Variants in RPS6KC1 observed in about 807,000 individuals in gnomAD.
RPS6KC1 encodes the protein inactive ribosomal protein S6 kinase delta-1.
Under a neutral mutation model 103.8 loss-of-function variants are expected in RPS6KC1, and 54 were observed. That is an observed-to-expected ratio of 0.52 (90% CI 0.42 to 0.65). RPS6KC1 has a LOEUF of 0.65. Among genes scored for constraint, RPS6KC1 ranks in the 30% least tolerant of loss-of-function variants. The probability of loss-of-function intolerance (pLI) is 0.00; values close to 1 mark genes in which losing one functional copy is unlikely to be tolerated. For missense variants in RPS6KC1, 1,151 were observed against 1,253.8 expected, an observed-to-expected ratio of 0.92 and a Z score of 1.24; for synonymous variants, 439 against 438.7, an observed-to-expected ratio of 1.00 and a Z score of -0.01.
the RPS6KC1 span, among the ~76,000 whole-genome samples, chr1:213,303,977 A>G: frequency 0.98 from 148,383 of 151,484 alleles, 72,756 homozygotes; most frequent in East Asian, 1. Flanking sequence ...AGGCCGAGGC[A>G]GGCGGATCAC....
intron 5 of RPS6KC1, among the ~76,000 whole-genome samples, chr1:213,123,641 CTTCT>C (rs1202633070): frequency 4.6e-5 from 7 of 152,100 alleles, no homozygotes; most frequent in Non-Finnish European, 1.0e-4. Flanking sequence ...TTTATAAGGG[CTTCT>C]TTCTTAATGG....
At chr1:213,234,879 G>C (rs940515789) in intron 10 of RPS6KC1, among the ~76,000 whole-genome samples, 1 of 152,150 alleles carries the variant, frequency 6.6e-6, no homozygotes, top group Non-Finnish European at 1.5e-5. Flanking sequence ...GCCTTCTGGG[G>C]CACCAGTCGA....
chr1:213,123,662 GT>G (rs1036796874), intron 5 of RPS6KC1, among the ~76,000 whole-genome samples: 3 of 152,116 alleles, frequency 2.0e-5, no homozygotes, highest in African/African-American at 7.2e-5. Context: ...ATGGAAACTG[GT>G]ATGTATGTCT....
intron 2 of RPS6KC1, among the ~76,000 whole-genome samples, chr1:213,075,664 C>T (rs2079271408): frequency 6.6e-6 from 1 of 152,218 alleles, no homozygotes; most frequent in African/African-American, 2.4e-5. Context: ...CACCACCATT[C>T]TGTAGCAAAA....
the RPS6KC1 span, among the ~76,000 whole-genome samples, chr1:213,474,102 T>A: frequency 6.6e-6 from 1 of 152,204 alleles, no homozygotes; most frequent in East Asian, 1.9e-4. Context: ...CCCTTTGTTA[T>A]CTCTCATTTG....
chr1:213,661,380 C>T, the RPS6KC1 span, among the ~76,000 whole-genome samples: 17 of 152,106 alleles, frequency 1.1e-4, no homozygotes, highest in East Asian at 1.9e-4. Context: ...TGGGGTGGAA[C>T]GGGCTGGGCG....
chr1:213,071,097 C>G lies in RPS6KC1; in HGVS notation c.141+56C>G, dbSNP rs1204907312. 2.8e-6 allele frequency: 3 copies of G among 1,074,398 alleles called. No homozygotes were observed. In the African/African-American group the frequency reaches 4.9e-5, roughly 18 times the overall value. 66.6% of individuals were successfully genotyped at this position (1,074,398 alleles called of 1,614,324 possible). ...TATTTGATAAAAATTTAACTAAATG[C>G]TTTTTTGAGGAAATTGCCTGAATCA... On this transcript the variant is annotated intron_variant, in intron 2 of 14. Transcript: ENST00000366960.
rs766615286 is a variant in RPS6KC1, at chr1:213,241,722, T to C, written c.2246T>C (p.Ile749Thr). The change falls in exon 11 of 15, where the codon ATA becomes ACA. Residue 749 changes from isoleucine (I) to threonine (T), a missense_variant. Ile to Thr is a moderately conservative substitution (Grantham distance 89, BLOSUM62 -1). Coordinates refer to ENST00000366960, the MANE Select transcript of RPS6KC1 (RefSeq NM_012424.6). ...TGCCAAGCACATGAGGAGAAAGGCA[T>C]AGAGGAACTGAGTGATCCCTCTGGG... is the stretch of plus-strand genomic sequence containing the variant. ...EQCQAHEEKG[I>T]EELSDPSGPK... 2 of 1,613,914 alleles carry C rather than the reference T, an allele frequency of 1.2e-6. No individual in the cohort carries two copies. Among genetic ancestry groups the C allele is most frequent in the Non-Finnish European group, 1.7e-6 (2 of 1,179,920 alleles).
intron 8 of RPS6KC1, chr1:213,205,327 A>G (rs996034267): frequency 2.0e-6 from 2 of 984,986 alleles, no homozygotes; most frequent in Non-Finnish European, 2.4e-6. Flanking sequence ...CTAGATAAAG[A>G]TAAGTCATGC....
rs1372841583 is a variant in RPS6KC1, at chr1:213,241,298, A to G, written c.1822A>G (p.Ser608Gly). Residue 608 changes from serine to glycine, a missense_variant, in exon 11 of 15, where the codon AGC becomes GGC. Ser to Gly is a moderately conservative substitution (Grantham distance 56, BLOSUM62 0). Around this residue, in one of 3 missense-constraint regions of RPS6KC1, gnomAD observed 959 missense variants for 1,006.3 expected, o/e 0.95. Coordinates refer to ENST00000366960, the MANE Select transcript of RPS6KC1 (RefSeq NM_012424.6). Reference sequence around the variant, plus strand: ...ATTCTTTAGGATAGACAGTAAGGATAGCGCAAGTGAACTCCTGGGACTTGA... The same window carrying G: ...ATTCTTTAGGATAGACAGTAAGGATGGCGCAAGTGAACTCCTGGGACTTGA... ...MEFFRIDSKD[S>G]ASELLGLDFG... The G allele has an allele frequency of 6.2e-7, 1 of 1,614,006 alleles. No individual in the cohort carries two copies. Among genetic ancestry groups the G allele is most frequent in the Admixed American group, 1.7e-5 (1 of 59,950 alleles).
chr1:213,634,764 T>C, the RPS6KC1 span, among the ~76,000 whole-genome samples: 2 of 147,934 alleles, frequency 1.4e-5, no homozygotes, highest in African/African-American at 5.0e-5. Context: ...ACACTAAAAA[T>C]ATGAGAGGGG....
chr1:213,246,081 C>T (rs765407640), intron 12 of RPS6KC1, among the ~76,000 whole-genome samples: 15 of 152,070 alleles, frequency 9.9e-5, no homozygotes, highest in Non-Finnish European at 2.1e-4. Context: ...AAAAAGCCAG[C>T]GCATAAATGG....
At chr1:213,412,710 G>A in the RPS6KC1 span, among the ~76,000 whole-genome samples, 14 of 152,174 alleles carry the variant, frequency 9.2e-5, no homozygotes, top group Non-Finnish European at 1.6e-4. Flanking sequence ...AGTGGCCAGG[G>A]GCCACTGGCC....
At chr1:213,117,247 T>A (rs971044501) in intron 4 of RPS6KC1, 70 bp from the exon 5 acceptor site, 3 of 860,908 alleles carry the variant, frequency 3.5e-6, no homozygotes, top group Non-Finnish European at 3.8e-6. Context: ...TTAATTGGGA[T>A]AACTATTTTT....
intron 2 of RPS6KC1, among the ~76,000 whole-genome samples, chr1:213,075,411 C>A (rs544449336): frequency 5.9e-5 from 9 of 152,084 alleles, no homozygotes; most frequent in Admixed American, 2.0e-4. Flanking sequence ...TTGTTAGAAT[C>A]CTCACATCTC....
the RPS6KC1 span, among the ~76,000 whole-genome samples, chr1:213,613,578 C>A: frequency 6.6e-6 from 1 of 152,264 alleles, no homozygotes; most frequent in African/African-American, 2.4e-5. Context: ...AGTGTCCAGT[C>A]TTGCAGTAAA....
intron 1 of RPS6KC1, among the ~76,000 whole-genome samples, chr1:213,053,859 C>T (rs1306729348): frequency 6.7e-6 from 1 of 149,032 alleles, no homozygotes; most frequent in African/African-American, 2.5e-5. Flanking sequence ...TTTTCCAAGG[C>T]GTAGTCTCGC....
intron 7 of RPS6KC1, among the ~76,000 whole-genome samples, chr1:213,172,741 G>C (rs1369865477): frequency 6.6e-6 from 1 of 152,202 alleles, no homozygotes; most frequent in Non-Finnish European, 1.5e-5. Context: ...CCAGTTGAGT[G>C]ATATGTACTT....
chr1:213,184,872 A>G (rs1041139020), intron 8 of RPS6KC1, among the ~76,000 whole-genome samples: 1 of 152,156 alleles, frequency 6.6e-6, no homozygotes, highest in Non-Finnish European at 1.5e-5. Context: ...TGATTTTTTT[A>G]AAAATTCGCT....
Sources: allele counts gnomAD v4.1 joint callset (sites outside exome capture counted in the v4.1 genomes callset), GRCh38; gene constraint gnomAD v4.1.1; regional missense constraint gnomAD v4.1.1; transcripts MANE v1.5; gene names NCBI Gene and HGNC (gene_info 2026-07-23, HGNC 2026-07-21).